Variants in LTBP1 observed in about 807,000 individuals in gnomAD.
The protein encoded by LTBP1 is latent transforming growth factor beta binding protein 1.
In LTBP1, 129 loss-of-function variants were observed where a neutral mutation model predicts 207.6. That is an observed-to-expected ratio of 0.62 (90% CI 0.54 to 0.72). The LOEUF is 0.72. Ranked by LOEUF, LTBP1 falls within the 30% of genes least tolerant of loss-of-function variation. The pLI is 0.00. For synonymous variants in LTBP1, 963 were observed against 833.7 expected (o/e 1.16, Z -2.67); for missense variants, 2,281 against 2,217.2 (o/e 1.03, Z -0.58).
chr2:33,040,790 G>A (rs533238251), intron 3 of LTBP1, among the ~76,000 whole-genome samples: 1 of 152,334 alleles, frequency 6.6e-6, no homozygotes, highest in African/African-American at 2.4e-5. Flanking sequence ...TGCAGTGCAG[G>A]GTCACTTGCT....
intron 15 of LTBP1, among the ~76,000 whole-genome samples, chr2:33,265,668 G>A (rs1558913091): frequency 6.6e-6 from 1 of 152,166 alleles, no homozygotes; most frequent in East Asian, 1.9e-4. Context: ...AATGCTGGGA[G>A]AAAATACACT....
chr2:33,037,607 G>A (rs767667289), intron 3 of LTBP1, among the ~76,000 whole-genome samples: 7 of 152,008 alleles, frequency 4.6e-5, no homozygotes, highest in Non-Finnish European at 1.0e-4. Context: ...GGACTGATTT[G>A]GCACTTTTAT....
intron 5 of LTBP1, among the ~76,000 whole-genome samples, chr2:33,180,848 G>C (rs970182257): frequency 5.9e-5 from 9 of 152,260 alleles, no homozygotes; most frequent in African/African-American, 2.2e-4. Context: ...AATGGGGGGA[G>C]AAATAATGTG....
intron 3 of LTBP1, among the ~76,000 whole-genome samples, chr2:33,104,458 A>G (rs567803174): frequency 6.6e-6 from 1 of 152,342 alleles, no homozygotes; most frequent in South Asian, 2.1e-4. Flanking sequence ...GGTTTAGATT[A>G]GTGACCTTCA....
At chr2:33,105,109 G>A (rs1433675193) in intron 3 of LTBP1, among the ~76,000 whole-genome samples, 1 of 152,086 alleles carries the variant, frequency 6.6e-6, no homozygotes, top group African/African-American at 2.4e-5. Flanking sequence ...TGAAGACTTA[G>A]CTTATTTACT....
At chr2:32,959,211 G>A (rs999506451) in intron 2 of LTBP1, among the ~76,000 whole-genome samples, 4 of 152,198 alleles carry the variant, frequency 2.6e-5, no homozygotes, top group African/African-American at 9.6e-5. Context: ...TGGATGGGAA[G>A]ATGAATTGGA....
intron 24 of LTBP1, among the ~76,000 whole-genome samples, chr2:33,329,988 T>A (rs2094475289): frequency 6.6e-6 from 1 of 152,078 alleles, no homozygotes; most frequent in African/African-American, 2.4e-5. Context: ...CATTTTACAG[T>A]ATTTAGTCAT....
chr2:33,188,447 A>AAAAAAAATAAT, intron 6 of LTBP1, 130 bp from the exon 7 acceptor site: 3 of 668,168 alleles, frequency 4.5e-6, no homozygotes, highest in Admixed American at 2.9e-5. Flanking sequence ...AAAAAAAAGA[A>AAAAAAAATAAT]TTTTGATGGC....
At chr2:33,295,339 C>T (rs2093854101) in intron 20 of LTBP1, among the ~76,000 whole-genome samples, 1 of 151,978 alleles carries the variant, frequency 6.6e-6, no homozygotes, top group East Asian at 1.9e-4. Context: ...CCAGCTTGGC[C>T]AACATGGTGA....
chr2:32,960,238 A>G (rs150131149), intron 2 of LTBP1, among the ~76,000 whole-genome samples: 2 of 152,228 alleles, frequency 1.3e-5, no homozygotes, highest in African/African-American at 4.8e-5. Flanking sequence ...TGTGAATGTC[A>G]GGCATACACA....
chr2:33,116,891 C>T (rs549293651), intron 4 of LTBP1, among the ~76,000 whole-genome samples: 15 of 152,182 alleles, frequency 9.9e-5, no homozygotes, highest in South Asian at 6.2e-4. Flanking sequence ...TGAAGAAGCA[C>T]GCACAGGGTC....
chr2:33,138,513 A>G (rs1262022785), intron 5 of LTBP1, among the ~76,000 whole-genome samples: 5 of 151,904 alleles, frequency 3.3e-5, no homozygotes. Flanking sequence ...ATGGAAACCT[A>G]TCCCTTGTTG....
intron 5 of LTBP1, among the ~76,000 whole-genome samples, chr2:33,161,433 A>G (rs186020441): frequency 6.6e-6 from 1 of 151,728 alleles, no homozygotes; most frequent in Non-Finnish European, 1.5e-5. Flanking sequence ...CACCCAGCTA[A>G]TTTTTTTGTA....
At chr2:33,081,726 C>G (rs1005101478) in intron 3 of LTBP1, among the ~76,000 whole-genome samples, 1 of 152,078 alleles carries the variant, frequency 6.6e-6, no homozygotes, top group Non-Finnish European at 1.5e-5. Flanking sequence ...GAATTGCAGT[C>G]CCCATAGTCC....
At position 32,947,352 on chromosome 2, in the gene LTBP1, C is replaced by T. The variant is rs1326296507; in HGVS notation, c.28C>T (p.Leu10Phe). MAGAWLRWG[L>F]LLWAGLLASS... ...GGCGGGGGCCTGGCTCAGGTGGGGG[C>T]TCCTGCTCTGGGCAGGGCTCCTCGC... Residue 10 changes from leucine (L) to phenylalanine (F), a missense_variant, in exon 1 of 34, where the codon CTC (leucine) becomes TTC (phenylalanine). By Grantham distance (22) the Leu-to-Phe change is conservative. This residue lies in a region of LTBP1 where 555 missense variants were observed against 491.0 expected (regional missense o/e 1.13). Transcript: ENST00000404816. The T allele has an allele frequency of 7.8e-6, 10 of 1,279,936 alleles. No individual in the cohort carries two copies. Among genetic ancestry groups the T allele is most frequent in the Non-Finnish European group, 8.9e-6 (9 of 1,015,000 alleles). The allele number at this position is 1,279,936 out of a possible 1,614,324, so 79.3% of individuals were successfully genotyped here. A position where few individuals can be genotyped will look rare whatever the true frequency, so the allele number is the denominator to read the frequency against.
chr2:33,066,198 A>AT (rs1178011660), intron 3 of LTBP1, among the ~76,000 whole-genome samples: 1 of 151,968 alleles, frequency 6.6e-6, no homozygotes, highest in East Asian at 1.9e-4. Context: ...TTATCTGTTA[A>AT]TTTTTTCTAT....
rs61466474 is a variant in LTBP1 at position 33,013,903 on chromosome 2, A to G, written c.566-7006A>G. Among the ~76,000 whole-genome samples the G allele has an allele frequency of 8.0e-3, 1,224 of 152,280 alleles. 11 individuals are homozygous for G. The highest frequency in any genetic ancestry group is 0.026 in the African/African-American group (1,090 of 41,544). On this transcript the variant is annotated intron_variant, in intron 2 of 33. Coordinates refer to ENST00000404816, the MANE Select transcript of LTBP1 (RefSeq NM_206943.4). Reference sequence around the variant, plus strand: ...GCATTAAACTCCTGAATGAAACATGAGATTCTGTACCCAGCCTTTGTGACT... The same window carrying G: ...GCATTAAACTCCTGAATGAAACATGGGATTCTGTACCCAGCCTTTGTGACT...
chr2:33,148,526 C>G (rs969196782), intron 5 of LTBP1, among the ~76,000 whole-genome samples: 3 of 152,142 alleles, frequency 2.0e-5, no homozygotes, highest in East Asian at 3.8e-4. Context: ...TTGCAACTTT[C>G]CCTTCTGTGT....
chr2:33,211,636 G>A (rs150225805), intron 7 of LTBP1, among the ~76,000 whole-genome samples: 11 of 152,294 alleles, frequency 7.2e-5, no homozygotes, highest in African/African-American at 2.4e-4. Flanking sequence ...CCAGGACTCT[G>A]CACAGTGCAG....
Sources: allele counts gnomAD v4.1 joint callset (sites outside exome capture counted in the v4.1 genomes callset), GRCh38; gene constraint gnomAD v4.1.1; regional missense constraint gnomAD v4.1.1; transcripts MANE v1.5; gene names NCBI Gene and HGNC (gene_info 2026-07-23, HGNC 2026-07-21).